The following CDK14 variants were observed in gnomAD, a reference collection of about 807,000 sequenced individuals.
CDK14 encodes the protein cyclin dependent kinase 14.
CDK14 carries 34 observed loss-of-function variants against 60.7 expected under a neutral mutation model. That is an observed-to-expected ratio of 0.56 (90% confidence interval 0.43 to 0.75). The LOEUF is 0.75. Among genes scored for constraint, CDK14 ranks in the 30% least tolerant of loss-of-function variants. The probability of loss-of-function intolerance (pLI) is 0.00; values close to 1 mark genes in which losing one functional copy is unlikely to be tolerated. For synonymous variants in CDK14, 197 were observed against 203.7 expected, an observed-to-expected ratio of 0.97 and a Z score of 0.28; for missense variants, 482 against 564.1, an observed-to-expected ratio of 0.85 and a Z score of 1.47.
At chr7:91,124,973 G>T (rs1443098377) in intron 14 of CDK14, among the ~76,000 whole-genome samples, 1 of 152,100 alleles carries the variant, frequency 6.6e-6, no homozygotes, top group Non-Finnish European at 1.5e-5. Context: ...TACCAGTATA[G>T]CAGCTGAGTC....
chr7:91,176,575 G>T (rs1801765481), intron 14 of CDK14, among the ~76,000 whole-genome samples: 1 of 151,488 alleles, frequency 6.6e-6, no homozygotes, highest in Non-Finnish European at 1.5e-5. Flanking sequence ...GACTAATAAA[G>T]AAAAAAAGAG....
At chr7:90,803,826 G>A (rs1788732232) in intron 5 of CDK14, among the ~76,000 whole-genome samples, 1 of 152,118 alleles carries the variant, frequency 6.6e-6, no homozygotes, top group African/African-American at 2.4e-5. Context: ...CCTTGAGGGA[G>A]GTTGATGTTA....
intron 9 of CDK14, among the ~76,000 whole-genome samples, chr7:90,974,126 G>A (rs1795003845): frequency 6.6e-6 from 1 of 152,284 alleles, no homozygotes; most frequent in East Asian, 1.9e-4. Flanking sequence ...AAAGAATTCA[G>A]TGATACTTCT....
intron 5 of CDK14, among the ~76,000 whole-genome samples, chr7:90,840,965 C>T (rs1019001213): frequency 6.6e-6 from 1 of 152,086 alleles, no homozygotes; most frequent in Non-Finnish European, 1.5e-5. Flanking sequence ...AGAGTACACA[C>T]TCATATGCAC....
In CDK14 at chr7:90,897,291, T is replaced by C. The variant is rs1324685691; in HGVS notation, c.640-2000T>C. On this transcript the variant is annotated intron_variant, in intron 6 of 14. Transcript: ENST00000380050. ...AGACTTTCTGGATTTTTGGTATTTATTGTTCTTAGTTTGTGTTTGGGAAGC... is the reference window on the plus strand; with the variant it reads ...AGACTTTCTGGATTTTTGGTATTTACTGTTCTTAGTTTGTGTTTGGGAAGC... Among the ~76,000 whole-genome samples the C allele has an allele frequency of 2.6e-5, 4 of 152,112 alleles. No homozygotes were observed. In the East Asian group the frequency reaches 7.7e-4, roughly 29 times the overall value.
intron 2 of CDK14, chr7:90,608,419 GTATGT>G (rs1485744077): frequency 5.9e-5 from 13 of 221,960 alleles, no homozygotes; most frequent in African/African-American, 1.5e-4. Flanking sequence ...ATGTGTATGT[GTATGT>G]GGAAATAGTT....
At chr7:90,870,067 A>C (rs1410983974) in intron 6 of CDK14, among the ~76,000 whole-genome samples, 1 of 152,186 alleles carries the variant, frequency 6.6e-6, no homozygotes, top group Non-Finnish European at 1.5e-5. Context: ...TGGCTATTCT[A>C]ATGGCAGGTG....
chr7:90,779,258 A>G (rs1056524510), intron 4 of CDK14, among the ~76,000 whole-genome samples: 1 of 152,146 alleles, frequency 6.6e-6, no homozygotes, highest in Non-Finnish European at 1.5e-5. Flanking sequence ...GTCTCAAAAA[A>G]AGAAAAAAAT....
intron 13 of CDK14, among the ~76,000 whole-genome samples, chr7:91,117,663 C>G (rs978024009): frequency 6.6e-6 from 1 of 152,152 alleles, no homozygotes; most frequent in Admixed American, 6.5e-5. Context: ...CAAATGGACT[C>G]TATAACAACA....
At chr7:90,973,068 A>T (rs1794973818) in intron 9 of CDK14, among the ~76,000 whole-genome samples, 1 of 152,218 alleles carries the variant, frequency 6.6e-6, no homozygotes, top group Non-Finnish European at 1.5e-5. Flanking sequence ...TGAAAGGCAG[A>T]GAACTAACCT....
chr7:90,722,178 C>T (rs948951137), intron 2 of CDK14, among the ~76,000 whole-genome samples: 2 of 151,542 alleles, frequency 1.3e-5, no homozygotes, highest in African/African-American at 2.4e-5. Context: ...TTTCCCTTCC[C>T]CCACCCTTTC....
chr7:90,762,166 A>G, intron 4 of CDK14, among the ~76,000 whole-genome samples: 1 of 152,186 alleles, frequency 6.6e-6, no homozygotes, highest in South Asian at 2.1e-4. Flanking sequence ...AGGAGATGTC[A>G]CCAGGCAGGT....
chr7:90,967,837 GA>G (rs1408886033), intron 9 of CDK14, among the ~76,000 whole-genome samples: 1 of 152,164 alleles, frequency 6.6e-6, no homozygotes, highest in African/African-American at 2.4e-5. Flanking sequence ...CAGTGAAGGT[GA>G]AAAAGTGGAT....
intron 14 of CDK14, among the ~76,000 whole-genome samples, chr7:91,174,285 T>C (rs1024597211): frequency 6.6e-5 from 10 of 151,776 alleles, no homozygotes; most frequent in Non-Finnish European, 1.3e-4. Flanking sequence ...AGAAAGGACA[T>C]CCACACCAAA....
intron 14 of CDK14, among the ~76,000 whole-genome samples, chr7:91,138,591 T>C (rs1216691696): frequency 6.6e-6 from 1 of 152,198 alleles, no homozygotes; most frequent in Admixed American, 6.5e-5. Context: ...TCTTTCACTT[T>C]CTTTAAATCT....
At chr7:90,969,169 G>A (rs750241646) in intron 9 of CDK14, among the ~76,000 whole-genome samples, 1 of 152,156 alleles carries the variant, frequency 6.6e-6, no homozygotes, top group Non-Finnish European at 1.5e-5. Flanking sequence ...TTTAGGTCTT[G>A]CATCTATTAT....
At chr7:91,112,784 A>G in intron 13 of CDK14, 103 bp downstream of exon 13, 1 of 1,235,150 alleles carries the variant, frequency 8.1e-7, no homozygotes, top group South Asian at 1.4e-5. Flanking sequence ...TTGTGTGTCC[A>G]CAAACATAAG....
chr7:91,024,552 G>A (rs1382678680), intron 10 of CDK14, among the ~76,000 whole-genome samples: 1 of 152,228 alleles, frequency 6.6e-6, no homozygotes, highest in Non-Finnish European at 1.5e-5. Flanking sequence ...TCAGGAGGCT[G>A]AGGCAGGAGA....
chr7:91,146,336 G>C (rs1800637906), intron 14 of CDK14, among the ~76,000 whole-genome samples: 1 of 152,146 alleles, frequency 6.6e-6, no homozygotes, highest in Non-Finnish European at 1.5e-5. Context: ...GAGTATTTGG[G>C]ATTACAGGTG....
Sources: allele counts gnomAD v4.1 joint callset (sites outside exome capture counted in the v4.1 genomes callset), GRCh38; gene constraint gnomAD v4.1.1; transcripts MANE v1.5; gene names NCBI Gene and HGNC (gene_info 2026-07-23, HGNC 2026-07-21).